Variants in ARHGEF28 observed in about 807,000 individuals in gnomAD.
ARHGEF28 encodes 190 kDa guanine nucleotide exchange factor.
ARHGEF28 carries 152 observed loss-of-function variants against 206.6 expected under a neutral mutation model. That is an observed-to-expected ratio of 0.74 (90% CI 0.64 to 0.84). The LOEUF (loss-of-function observed/expected upper bound fraction) is 0.84. Among genes scored for constraint, ARHGEF28 ranks in the 40% least tolerant of loss-of-function variants. The pLI is 0.00. For synonymous variants in ARHGEF28, 763 were observed against 776.4 expected (o/e 0.98, Z 0.29); for missense variants, 2,028 against 2,073.2 (o/e 0.98, Z 0.42).
At chr5:73,672,442 T>C (rs941613272) in intron 1 of ARHGEF28, among the ~76,000 whole-genome samples, 2 of 152,228 alleles carry the variant, frequency 1.3e-5, no homozygotes, top group Non-Finnish European at 2.9e-5. Context: ...CCTTGCATCC[T>C]CTAGCTTCTC....
intron 4 of ARHGEF28, among the ~76,000 whole-genome samples, chr5:73,756,838 G>A (rs923384174): frequency 1.1e-4 from 16 of 152,184 alleles, no homozygotes; most frequent in African/African-American, 3.6e-4. Context: ...GAAGGAAAAC[G>A]TGGAGTTTTT....
chr5:73,926,624 C>T (rs1763827115), intron 35 of ARHGEF28, among the ~76,000 whole-genome samples: 2 of 152,212 alleles, frequency 1.3e-5, no homozygotes, highest in South Asian at 2.1e-4. Context: ...CTGCCACATG[C>T]AGCCACAGCC....
intron 29 of ARHGEF28, among the ~76,000 whole-genome samples, chr5:73,897,481 A>G (rs2112698239): frequency 6.6e-6 from 1 of 152,338 alleles, no homozygotes; most frequent in Admixed American, 6.5e-5. Flanking sequence ...GTGTAGGGAA[A>G]TACTCTTTTG....
intron 14 of ARHGEF28, among the ~76,000 whole-genome samples, chr5:73,854,698 G>A (rs138084041): frequency 6.6e-6 from 1 of 152,084 alleles, no homozygotes; most frequent in Non-Finnish European, 1.5e-5. Context: ...CAGGTGTGGT[G>A]GCAGGCGCCT....
At chr5:73,737,940 A>G (rs966499259) in intron 2 of ARHGEF28, among the ~76,000 whole-genome samples, 1 of 152,112 alleles carries the variant, frequency 6.6e-6, no homozygotes, top group African/African-American at 2.4e-5. Context: ...TTTCCATGCT[A>G]TGACTGGGCT....
chr5:73,840,933 A>G (rs1757950800), intron 11 of ARHGEF28, among the ~76,000 whole-genome samples, 173 bp downstream of exon 11: 1 of 152,186 alleles, frequency 6.6e-6, no homozygotes, highest in Non-Finnish European at 1.5e-5. Context: ...ACTTAAGAAA[A>G]CTGACTAAAA....
chr5:73,765,077 T>A (rs1303191002), intron 4 of ARHGEF28, among the ~76,000 whole-genome samples: 1 of 152,228 alleles, frequency 6.6e-6, no homozygotes, highest in Non-Finnish European at 1.5e-5. Flanking sequence ...ATGATGTAGG[T>A]TGAATTAATT....
chr5:73,755,675 TAC>T (rs1308557502), intron 4 of ARHGEF28, among the ~76,000 whole-genome samples: 1 of 152,224 alleles, frequency 6.6e-6, no homozygotes, highest in Non-Finnish European at 1.5e-5. Flanking sequence ...AATAGAAGCA[TAC>T]AGTTTTCCAT....
Position 73,857,664 on chromosome 5 carries a change from A to G in ARHGEF28, c.1799A>G (p.Glu600Gly), listed in dbSNP as rs757055228. 3.2e-6 allele frequency: 5 copies of G among 1,575,308 alleles called. No individual in the cohort carries two copies. The East Asian group carries it at 1.2e-4, about 36-fold the overall frequency. ...SEPPRENRIQ[E>G]EEWDKYIIPA... The stretch of plus-strand genomic sequence containing the variant: ...AGATTCTGTTTTTGTAGAATTCAGG[A>G]AGAAGAATGGGATAAATACATCATA... Residue 600 changes from glutamate (E) to glycine (G), a missense_variant, in exon 15 of 36, where the codon GAA becomes GGA. By Grantham distance (98) the Glu-to-Gly change is moderately conservative. Around this residue, in one of 3 missense-constraint regions of ARHGEF28, gnomAD observed 1,002 missense variants for 1,015.3 expected, o/e 0.99. Transcript: ENST00000513042.
chr5:73,901,417 T>G, intron 31 of ARHGEF28, 133 bp downstream of exon 31: 4 of 657,812 alleles, frequency 6.1e-6, no homozygotes, highest in Non-Finnish European at 1.0e-5. Flanking sequence ...ATTTAAATAT[T>G]CATATTTAAA....
chr5:73,856,934 G>A (rs1759079202), intron 14 of ARHGEF28, among the ~76,000 whole-genome samples: 1 of 152,128 alleles, frequency 6.6e-6, no homozygotes, highest in Non-Finnish European at 1.5e-5. Flanking sequence ...AGGGGGAATT[G>A]TAACTTTCAT....
At position 73,911,465 on chromosome 5, in the gene ARHGEF28, A is replaced by AG. The variant is rs1457534943; in HGVS notation, c.4840dup (p.Val1614GlyfsTer28). ...ACTAGTGAACATCAAGTAGACCTCA[A>AG]GGTGGACCCTTCTCAGCCTTCGAAT... On this transcript the variant is annotated frameshift_variant, in exon 35 of 36. Coordinates refer to ENST00000513042, the MANE Select transcript of ARHGEF28 (RefSeq NM_001177693.2). LOFTEE classifies it high-confidence loss of function. 6.2e-7 allele frequency: 1 copy of AG among 1,614,042 alleles called. No individual in the cohort carries two copies. The highest frequency in any genetic ancestry group is 8.5e-7 in the Non-Finnish European group (1 of 1,179,906).
chr5:73,674,328 T>C (rs138831200), intron 1 of ARHGEF28, among the ~76,000 whole-genome samples: 13 of 152,346 alleles, frequency 8.5e-5, no homozygotes, highest in African/African-American at 3.1e-4. Context: ...GACTTTGTGC[T>C]GAGGCTACAG....
At chr5:73,718,293 C>A (rs187307379) in intron 2 of ARHGEF28, among the ~76,000 whole-genome samples, 1 of 152,204 alleles carries the variant, frequency 6.6e-6, no homozygotes, top group Non-Finnish European at 1.5e-5. Context: ...TCCTCCTGAT[C>A]CCCTGTCTGC....
At chr5:73,841,604 T>C (rs1385130351) in intron 11 of ARHGEF28, among the ~76,000 whole-genome samples, 2 of 150,228 alleles carry the variant, frequency 1.3e-5, no homozygotes, top group Admixed American at 6.6e-5. Flanking sequence ...ACTTGGCAGG[T>C]TGGGGTGGGA....
intron 2 of ARHGEF28, among the ~76,000 whole-genome samples, chr5:73,688,066 A>G (rs553813346): frequency 6.6e-6 from 1 of 152,336 alleles, no homozygotes; most frequent in South Asian, 2.1e-4. Flanking sequence ...TATCCTCTCC[A>G]TTGGAATTTG....
At chr5:73,626,924 A>AT (rs1743048305) in intron 1 of ARHGEF28, among the ~76,000 whole-genome samples, 1 of 152,190 alleles carries the variant, frequency 6.6e-6, no homozygotes, top group African/African-American at 2.4e-5. Flanking sequence ...TTCCCCTTAA[A>AT]TACCCGGGGT....
At chr5:73,810,883 G>A (rs1430957070) in intron 9 of ARHGEF28, among the ~76,000 whole-genome samples, 1 of 152,072 alleles carries the variant, frequency 6.6e-6, no homozygotes, top group Non-Finnish European at 1.5e-5. Context: ...TATTACTTTT[G>A]TTCTGTTTGT....
Position 73,894,244 on chromosome 5 carries a change from T to C in ARHGEF28, c.3659-149T>C, listed in dbSNP as rs536035689. The C allele has an allele frequency of 4.8e-5, 35 of 722,736 alleles. 1 individual carries two copies. In the South Asian group the frequency reaches 6.5e-4, roughly 14 times the overall value. The allele number at this position is 722,736 out of a possible 1,614,324, so 44.8% of individuals were successfully genotyped here. On this transcript the variant is annotated intron_variant, in intron 28 of 35. Coordinates refer to ENST00000513042, the MANE Select transcript of ARHGEF28 (RefSeq NM_001177693.2). ...AGTCACTAAGTGGCATGGTCAGGAC[T>C]GAGACCTGCATCTGCCCCACTCATC...
Sources: allele counts gnomAD v4.1 joint callset (sites outside exome capture counted in the v4.1 genomes callset), GRCh38; gene constraint gnomAD v4.1.1; regional missense constraint gnomAD v4.1.1; transcripts MANE v1.5; gene names NCBI Gene and HGNC (gene_info 2026-07-23, HGNC 2026-07-21).